WWC2: variants seen among roughly 807,000 people sequenced by gnomAD.
WWC2 encodes protein WWC2.
In WWC2, 101 loss-of-function variants were observed where a neutral mutation model predicts 138.5. The observed-to-expected ratio is 0.73, with a 90% CI of 0.62 to 0.86. The LOEUF (loss-of-function observed/expected upper bound fraction) is 0.86. Ranked by LOEUF, WWC2 falls within the 40% of genes least tolerant of loss-of-function variation. WWC2 has a pLI of 0.00. For synonymous variants in WWC2, 558 were observed against 538.4 expected (o/e 1.04, Z -0.50); for missense variants, 1,420 against 1,419.4 (o/e 1.00, Z -0.01).
Position 183,203,270 on chromosome 4 carries a change from AG to A in WWC2, c.242-4681del, listed in dbSNP as rs531040873. Among the ~76,000 whole-genome samples, 306 of 151,498 alleles carry A rather than the reference AG, an allele frequency of 2.0e-3. 1 individual carries two copies. Among genetic ancestry groups the A allele is most frequent in the African/African-American group, 6.8e-3 (280 of 41,240 alleles). ...GAATCATTTTAATTATTCAGGTATT[AG>A]GTGGAAGGAAGAGTTATCCCTCCTT... On this transcript the variant is annotated intron_variant, in intron 2 of 22. Transcript: ENST00000403733.
At chr4:183,227,319 T>A (rs1296450152) in intron 4 of WWC2, among the ~76,000 whole-genome samples, 1 of 152,108 alleles carries the variant, frequency 6.6e-6, no homozygotes, top group Non-Finnish European at 1.5e-5. Flanking sequence ...TGACAGATGG[T>A]TGTGCCTCCA....
chr4:183,204,756 G>C (rs1735398014), intron 2 of WWC2, among the ~76,000 whole-genome samples: 2 of 152,094 alleles, frequency 1.3e-5, no homozygotes, highest in Admixed American at 1.3e-4. Flanking sequence ...CTTTCTTCTT[G>C]CTCTGTTGTA....
intron 1 of WWC2, among the ~76,000 whole-genome samples, chr4:183,109,597 G>A (rs145610826): frequency 2.6e-5 from 4 of 152,142 alleles, no homozygotes; most frequent in Non-Finnish European, 5.9e-5. Flanking sequence ...TATAGGGTTC[G>A]CTCTCCTATG....
At chr4:183,153,941 G>C (rs973784856) in intron 1 of WWC2, among the ~76,000 whole-genome samples, 2 of 143,082 alleles carry the variant, frequency 1.4e-5, no homozygotes, top group African/African-American at 5.3e-5. Context: ...ACTGTGCCTG[G>C]CCCAAACAGT....
intron 1 of WWC2, among the ~76,000 whole-genome samples, chr4:183,188,196 A>G (rs895966421): frequency 3.9e-5 from 6 of 152,242 alleles, no homozygotes; most frequent in Non-Finnish European, 8.8e-5. Flanking sequence ...GTCTTTAGGT[A>G]AAAATGATCT....
intron 2 of WWC2, among the ~76,000 whole-genome samples, chr4:183,194,228 C>T (rs1735069272): frequency 6.6e-6 from 1 of 152,170 alleles, no homozygotes; most frequent in Admixed American, 6.5e-5. Context: ...AAGGGAAAAA[C>T]CTCTCATTTT....
chr4:183,289,440 G>A lies in WWC2; in HGVS notation c.3189G>A (p.Val1063=). ...GAAGAACAACACAGGAATGCCCAGT[G>A]CGGACATCTCTAGACTTAGAACTGG... ...VLRRTTQECP[V]RTSLDLELDL... is the part of the protein sequence containing the mutation. Residue 1063 remains valine, a synonymous_variant, in exon 21 of 23, where the codon GTG becomes GTA. Transcript: ENST00000403733. 1 of 1,612,656 alleles carries A rather than the reference G, an allele frequency of 6.2e-7. No individual in the cohort carries two copies. The highest frequency in any genetic ancestry group is 8.5e-7 in the Non-Finnish European group (1 of 1,179,274).
chr4:183,163,828 G>T (rs1300157222), intron 1 of WWC2, among the ~76,000 whole-genome samples: 1 of 152,036 alleles, frequency 6.6e-6, no homozygotes, highest in Non-Finnish European at 1.5e-5. Flanking sequence ...TCTAGCTATT[G>T]GGTGCCTCAA....
intron 1 of WWC2, among the ~76,000 whole-genome samples, chr4:183,159,498 G>A (rs1039782577): frequency 6.6e-6 from 1 of 152,028 alleles, no homozygotes; most frequent in Admixed American, 6.6e-5. Flanking sequence ...TCGACTTCCC[G>A]AACTCAGGTG....
At chr4:183,233,148 CTTTTTTTTTTTTTTTT>C (rs543576361) in intron 4 of WWC2, among the ~76,000 whole-genome samples, 1 of 84,812 alleles carries the variant, frequency 1.2e-5, no homozygotes, top group Non-Finnish European at 2.3e-5. Flanking sequence ...CTTTTTAAAC[CTTTTTTTTTTTTTTTT>C]TTTTTTTTTT....
At position 183,109,262 on chromosome 4, in the gene WWC2, A is replaced by G. The variant is rs975182293; in HGVS notation, c.131+9640A>G. On this transcript the variant is annotated intron_variant, in intron 1 of 22. Coordinates refer to ENST00000403733, the MANE Select transcript of WWC2 (RefSeq NM_024949.6). ...CTAAATGTGGTTCACAAAGCCTGGAATGTTTACTTTGGCCCTTTACAGAAA... is the reference window on the plus strand; with the variant it reads ...CTAAATGTGGTTCACAAAGCCTGGAGTGTTTACTTTGGCCCTTTACAGAAA... 2.6e-5 allele frequency among the ~76,000 whole-genome samples: 4 copies of G among 152,328 alleles called. No homozygotes were observed. In the East Asian group the frequency reaches 7.7e-4, roughly 29 times the overall value.
chr4:183,244,192 A>T (rs887932805), intron 5 of WWC2, among the ~76,000 whole-genome samples: 1 of 152,188 alleles, frequency 6.6e-6, no homozygotes, highest in African/African-American at 2.4e-5. Context: ...AGGCATAGCC[A>T]TATGTCCCAC....
chr4:183,233,882 G>A (rs1438314602), intron 4 of WWC2: 3 of 152,230 alleles, frequency 2.0e-5, no homozygotes, highest in Non-Finnish European at 2.9e-5. Context: ...GAAGGAGCAA[G>A]TTGACAGTTG....
At chr4:183,123,402 G>GGTGTGTGTGTGTGTGT (rs67158904) in intron 1 of WWC2, among the ~76,000 whole-genome samples, 7 of 147,604 alleles carry the variant, frequency 4.7e-5, no homozygotes, top group African/African-American at 1.7e-4. Context: ...GCAAGTTTCA[G>GGTGTGTGTGTGTGTGT]GTGTGTGTGT....
intron 1 of WWC2, among the ~76,000 whole-genome samples, chr4:183,156,060 TCTGCCGCC>T (rs1733794703): frequency 6.6e-6 from 1 of 152,068 alleles, no homozygotes; most frequent in Non-Finnish European, 1.5e-5. Flanking sequence ...GGAATCTTGC[TCTGCCGCC>T]CAGATTGGAG....
At chr4:183,112,981 A>G (rs1205231104) in intron 1 of WWC2, among the ~76,000 whole-genome samples, 2 of 152,114 alleles carry the variant, frequency 1.3e-5, no homozygotes, top group African/African-American at 4.8e-5. Context: ...TTAAGTTAGA[A>G]ATTTAGTTCC....
At chr4:183,187,771 G>C (rs970550892) in intron 1 of WWC2, among the ~76,000 whole-genome samples, 1 of 151,488 alleles carries the variant, frequency 6.6e-6, no homozygotes, top group African/African-American at 2.4e-5. Context: ...TACTTGGGAG[G>C]CTGAGGCAGG....
At chr4:183,287,713 T>C (rs2111071894) in intron 20 of WWC2, among the ~76,000 whole-genome samples, 1 of 152,282 alleles carries the variant, frequency 6.6e-6, no homozygotes, top group Middle Eastern at 3.4e-3. Flanking sequence ...AAAAGGTTCA[T>C]CTGAATAGAA....
At chr4:183,158,853 G>A (rs191711055) in intron 1 of WWC2, among the ~76,000 whole-genome samples, 87 of 152,274 alleles carry the variant, frequency 5.7e-4, no homozygotes, top group African/African-American at 1.9e-3. Flanking sequence ...GGAGACTGTA[G>A]CGTGTAATTT....
Sources: gnomAD v4.1 joint callset for allele counts (sites outside exome capture counted in the v4.1 genomes callset) on GRCh38, gnomAD v4.1.1 for gene constraint, MANE v1.5 for transcripts, NCBI Gene and HGNC (gene_info 2026-07-23, HGNC 2026-07-21) for gene names.